Variants in NETO1 observed in about 807,000 individuals in gnomAD.
NETO1 encodes the protein neuropilin and tolloid-like protein 1.
NETO1 carries 26 observed loss-of-function variants against 61.3 expected under a neutral mutation model. That is an observed-to-expected ratio of 0.42 (90% confidence interval 0.31 to 0.59). NETO1 has a LOEUF of 0.59. Ranked by LOEUF, NETO1 falls within the 20% of genes least tolerant of loss-of-function variation. The pLI is 0.12. For missense variants in NETO1, 531 were observed against 662.8 expected (o/e 0.80, Z 2.18); for synonymous variants, 225 against 225.8 (o/e 1.00, Z 0.03).
In NETO1 at chr18:72,830,576, T is replaced by C. The variant is rs987442048; in HGVS notation, c.469+28250A>G. On this transcript the variant is annotated intron_variant, in intron 4 of 10. Transcript: ENST00000327305. This position sits in a 1 kb window ranked among gnomAD's most constrained non-coding sequence, Gnocchi z 4.9. Reference sequence around the variant, plus strand: ...GATGTATTACAGAAGACTGCCAGAATTTTTTAGGAGCAGCTTTTGGTGTGG... The same window carrying C: ...GATGTATTACAGAAGACTGCCAGAACTTTTTAGGAGCAGCTTTTGGTGTGG... Among the ~76,000 whole-genome samples the C allele has an allele frequency of 2.0e-5, 3 of 152,248 alleles. No individual in the cohort carries two copies. Among genetic ancestry groups the C allele is most frequent in the Middle Eastern group, 3.4e-3 (1 of 294 alleles).
intron 2 of NETO1, 68 bp downstream of exon 2, chr18:72,865,117 CAGT>C: frequency 3.4e-6 from 5 of 1,481,016 alleles, no homozygotes; most frequent in Non-Finnish European, 4.7e-6. Flanking sequence ...GGAATATTAA[CAGT>C]AGGAGGAAAA....
At chr18:72,754,572 C>A (rs2070725740) in intron 8 of NETO1, among the ~76,000 whole-genome samples, 1 of 152,076 alleles carries the variant, frequency 6.6e-6, no homozygotes, top group South Asian at 2.1e-4. Context: ...AAAAACTGCA[C>A]TAAACTCTAG....
chr18:72,751,050 T>TACACACACAC (rs764681364), intron 8 of NETO1, among the ~76,000 whole-genome samples: 6,014 of 137,978 alleles, frequency 0.044, 256 homozygotes, highest in African/African-American at 0.1. Flanking sequence ...CATCTTAAAA[T>TACACACACAC]ACACACACAC....
Position 72,745,907 on chromosome 18 carries a change from C to T in NETO1, c.*2272G>A, listed in dbSNP as rs2070421392. The T allele has an allele frequency of 6.6e-6, 1 of 152,138 alleles. No individual in the cohort carries two copies. The highest frequency in any genetic ancestry group is 1.5e-5 in the Non-Finnish European group (1 of 68,022). 9.4% of individuals were successfully genotyped at this position (152,138 alleles called of 1,614,324 possible). ...AATTTTAGAGTTATCACTGAGGAGG[C>T]CTGTTCTTCATTTAAAATACAGTTG... On this transcript the variant is annotated 3_prime_UTR_variant, in exon 11 of 11. Coordinates refer to ENST00000327305, the MANE Select transcript of NETO1 (RefSeq NM_138966.5).
intron 4 of NETO1, among the ~76,000 whole-genome samples, chr18:72,819,300 T>C (rs1006140360): frequency 2.0e-5 from 3 of 152,206 alleles, no homozygotes; most frequent in African/African-American, 4.8e-5. Flanking sequence ...CCACATTTCA[T>C]TGGAATGGTG....
At chr18:72,809,349 G>A (rs185862476) in intron 4 of NETO1, among the ~76,000 whole-genome samples, 61 of 152,174 alleles carry the variant, frequency 4.0e-4, no homozygotes, top group Middle Eastern at 3.4e-3. Flanking sequence ...AAAAGCCACC[G>A]ACGAGGAAAA....
At chr18:72,743,229 G>A (rs2070368864), downstream of NETO1, among the ~76,000 whole-genome samples, 1 of 152,114 alleles carries the variant, frequency 6.6e-6, no homozygotes, top group Non-Finnish European at 1.5e-5. Context: ...TCCTGTCTAT[G>A]TTCCAACCAG....
chr18:72,770,065 A>G (rs776501079), intron 7 of NETO1, among the ~76,000 whole-genome samples: 11 of 152,006 alleles, frequency 7.2e-5, no homozygotes, highest in Non-Finnish European at 1.6e-4. Context: ...CATCTCCAAC[A>G]TTATTTCATA....
chr18:72,809,393 T>C (rs1394872917), intron 4 of NETO1, among the ~76,000 whole-genome samples: 4 of 152,174 alleles, frequency 2.6e-5, no homozygotes, highest in Non-Finnish European at 5.9e-5. Context: ...AACTAACACT[T>C]ATTGACAGAA....
chr18:72,859,128 A>T, intron 3 of NETO1, 54 bp from the exon 4 acceptor site: 1 of 1,487,838 alleles, frequency 6.7e-7, no homozygotes, highest in Non-Finnish European at 9.0e-7. Context: ...CTTCAGGTTG[A>T]TGTTTTCTGA....
In NETO1 at chr18:72,772,759, C is replaced by CTATATATATA. The variant is rs35617731; in HGVS notation, c.868+10909_868+10918dup. On this transcript the variant is annotated intron_variant, in intron 7 of 10. Coordinates refer to ENST00000327305, the MANE Select transcript of NETO1 (RefSeq NM_138966.5). The stretch of plus-strand genomic sequence containing the variant: ...CACACACACATCTCTCTATATATAT[C>CTATATATATA]TATATATATATATATATACAGATCT... Among the ~76,000 whole-genome samples the CTATATATATA allele has an allele frequency of 3.9e-3, 401 of 102,320 alleles. 9 individuals are homozygous for CTATATATATA. Among genetic ancestry groups the CTATATATATA allele is most frequent in the African/African-American group, 8.2e-3 (226 of 27,668 alleles). 67.1% of individuals were successfully genotyped at this position (102,320 alleles called of 152,430 possible).
At chr18:72,775,188 T>A (rs1568189709) in intron 7 of NETO1, among the ~76,000 whole-genome samples, 1 of 152,192 alleles carries the variant, frequency 6.6e-6, no homozygotes, top group Non-Finnish European at 1.5e-5. Context: ...TCAAGCCTAG[T>A]AGCAAGTAAA....
At chr18:72,865,028 T>C (rs1045187770) in intron 2 of NETO1, 83 bp from the exon 3 acceptor site, 31 of 1,471,074 alleles carry the variant, frequency 2.1e-5, no homozygotes, top group Non-Finnish European at 2.8e-5. Flanking sequence ...TCTTATAATA[T>C]CCATTAGTAA....
At chr18:72,765,528 C>T (rs189239635) in intron 7 of NETO1, among the ~76,000 whole-genome samples, 11 of 152,174 alleles carry the variant, frequency 7.2e-5, no homozygotes, top group Non-Finnish European at 1.5e-4. Context: ...AAGCAATTCT[C>T]GTGTCTCAGC....
chr18:72,803,763 G>A (rs1445650264), intron 4 of NETO1, among the ~76,000 whole-genome samples: 1 of 151,168 alleles, frequency 6.6e-6, no homozygotes, highest in East Asian at 2.0e-4. Context: ...TGAGGTTGCA[G>A]TCAGCCGAGA....
At position 72,758,570 on chromosome 18, in the gene NETO1, C is replaced by T. The variant is rs190345927; in HGVS notation, c.869-2423G>A. Among the ~76,000 whole-genome samples the T allele has an allele frequency of 1.2e-4, 19 of 152,260 alleles. No individual in the cohort carries two copies. The East Asian group carries it at 3.7e-3, about 29-fold the overall frequency. On this transcript the variant is annotated intron_variant, in intron 7 of 10. Coordinates refer to ENST00000327305, the MANE Select transcript of NETO1 (RefSeq NM_138966.5). The stretch of plus-strand genomic sequence containing the variant: ...GCAATGTAGAGGCTGGGCGTGGTGG[C>T]TCACGCCTGTAATCCCAGCACTTAG...
rs181916301 is a variant in NETO1, at chr18:72,816,968, G to A, written c.470-22564C>T. On this transcript the variant is annotated intron_variant, in intron 4 of 10. Coordinates refer to ENST00000327305, the MANE Select transcript of NETO1 (RefSeq NM_138966.5). ...GAGTCTTCGAAGGGGGTGAGTGCATGCAGCCTGTGGGAGGCATATGGGTTA... is the reference window on the plus strand; with the variant it reads ...GAGTCTTCGAAGGGGGTGAGTGCATACAGCCTGTGGGAGGCATATGGGTTA... Among the ~76,000 whole-genome samples the A allele has an allele frequency of 3.7e-3, 556 of 152,288 alleles. 3 individuals are homozygous for A. Among genetic ancestry groups the A allele is most frequent in the African/African-American group, 0.013 (540 of 41,576 alleles).
chr18:72,865,067 A>G, intron 2 of NETO1, 121 bp downstream of exon 2: 1 of 1,401,842 alleles, frequency 7.1e-7, no homozygotes. Context: ...TCTTAGCCAA[A>G]CCAATCAATT....
intron 4 of NETO1, among the ~76,000 whole-genome samples, chr18:72,811,564 G>T (rs990962409): frequency 3.4e-4 from 52 of 152,142 alleles, no homozygotes; most frequent in Non-Finnish European, 7.2e-4. Context: ...ACCTCTCTGG[G>T]AGACCAGAAA....
Sources: gnomAD v4.1 joint callset for allele counts (sites outside exome capture counted in the v4.1 genomes callset) on GRCh38, gnomAD v4.1.1 for gene constraint, Gnocchi (gnomAD v3.1) non-coding constraint, MANE v1.5 for transcripts, NCBI Gene and HGNC (gene_info 2026-07-23, HGNC 2026-07-21) for gene names.